Variants in SLC30A4 observed in about 807,000 individuals in gnomAD.
The protein encoded by SLC30A4 is solute carrier family 30 member 4.
In SLC30A4, 20 loss-of-function variants were observed where a neutral mutation model predicts 41.7. The observed-to-expected ratio is 0.48, with a 90% CI of 0.34 to 0.70. SLC30A4 has a LOEUF of 0.70. Among genes scored for constraint, SLC30A4 ranks in the 30% least tolerant of loss-of-function variants. The pLI, the probability that SLC30A4 is intolerant of heterozygous loss-of-function variation, is 0.01. For synonymous variants in SLC30A4, 181 were observed against 195.9 expected (o/e 0.92, Z 0.64); for missense variants, 441 against 529.3 (o/e 0.83, Z 1.64).
chr15:45,497,901 C>A (rs758297220), intron 3 of SLC30A4, among the ~76,000 whole-genome samples: 25 of 152,236 alleles, frequency 1.6e-4, no homozygotes, highest in Non-Finnish European at 3.4e-4. Context: ...ATTATTCATT[C>A]ATTCAACAAG....
intron 2 of SLC30A4, among the ~76,000 whole-genome samples, chr15:45,515,403 C>T (rs1039120176): frequency 3.3e-5 from 5 of 151,896 alleles, no homozygotes; most frequent in Admixed American, 6.6e-5. Flanking sequence ...ACCTGTAATC[C>T]CAGCACTTTG....
intron 6 of SLC30A4, among the ~76,000 whole-genome samples, chr15:45,487,198 T>G (rs1891720733): frequency 6.6e-6 from 1 of 152,214 alleles, no homozygotes; most frequent in Non-Finnish European, 1.5e-5. Context: ...TAGAATTGCA[T>G]TTTTGTCCTA....
Position 45,486,231 on chromosome 15 carries a change from CAGGCTGG to C in SLC30A4, c.1135+373_1135+379del, listed in dbSNP as rs2140810253. ...AGAGACGGGGTTTCACCATGTTGGC[CAGGCTGG>C]TCTCAAACTCCTGACCTCAGGTGAT... On this transcript the variant is annotated intron_variant, in intron 7 of 7. Transcript: ENST00000261867. 2.0e-5 allele frequency among the ~76,000 whole-genome samples: 3 copies of C among 152,206 alleles called. No homozygotes were observed. In the East Asian group the frequency reaches 5.8e-4, roughly 29 times the overall value.
At position 45,520,962 on chromosome 15, in the gene SLC30A4, G is replaced by GT. The variant is rs556678684; in HGVS notation, c.391+1001dup. ...AGAGGCAAAAAGAGCTTTGTGAGTT[G>GT]TAAGAGGAAAAAGAAGACCAGCATG... On this transcript the variant is annotated intron_variant, in intron 2 of 7. Coordinates refer to ENST00000261867, the MANE Select transcript of SLC30A4 (RefSeq NM_013309.6). The GT allele has an allele frequency of 4.7e-5, 21 of 447,998 alleles. No individual in the cohort carries two copies. In the Admixed American group the frequency reaches 6.1e-4, roughly 13 times the overall value. 27.8% of individuals were successfully genotyped at this position (447,998 alleles called of 1,614,324 possible). A position where few individuals can be genotyped will look rare whatever the true frequency, so the allele number is the denominator to read the frequency against.
intron 2 of SLC30A4, among the ~76,000 whole-genome samples, chr15:45,514,117 G>A (rs565965811): frequency 6.6e-5 from 10 of 152,146 alleles, no homozygotes; most frequent in African/African-American, 2.2e-4. Context: ...AGGCTGAGGC[G>A]GGCAGATCAC....
rs144136703 is a variant in SLC30A4 at position 45,492,566 on chromosome 15, C to G, written c.539-1685G>C. ...ATTAATTAAACGTTGTATATAATAGCAAATTATTGGAAACAACCAAAAAAG... is the reference window on the plus strand; with the variant it reads ...ATTAATTAAACGTTGTATATAATAGGAAATTATTGGAAACAACCAAAAAAG... On this transcript the variant is annotated intron_variant, in intron 3 of 7. Transcript: ENST00000261867. Among the ~76,000 whole-genome samples, 917 of 151,770 alleles carry G rather than the reference C, an allele frequency of 6.0e-3. 10 individuals carry two copies. The highest frequency in any genetic ancestry group is 0.021 in the African/African-American group (874 of 41,376).
Position 45,482,603 on chromosome 15 carries a change from T to C in SLC30A4, c.*2560A>G, listed in dbSNP as rs1891619668. On this transcript the variant is annotated 3_prime_UTR_variant, in exon 8 of 8. Transcript: ENST00000261867. ...GTATGATGAATATTTTTTTCCTTTCTACTTGCTAGATACTCAAAGTCCATA... is the reference window on the plus strand; with the variant it reads ...GTATGATGAATATTTTTTTCCTTTCCACTTGCTAGATACTCAAAGTCCATA... 1 of 152,138 alleles carries C rather than the reference T, an allele frequency of 6.6e-6. No individual in the cohort carries two copies. Among genetic ancestry groups the C allele is most frequent in the African/African-American group, 2.4e-5 (1 of 41,418 alleles). 9.4% of individuals were successfully genotyped at this position (152,138 alleles called of 1,614,324 possible).
At chr15:45,493,146 C>G (rs1345675162) in intron 3 of SLC30A4, among the ~76,000 whole-genome samples, 1 of 152,078 alleles carries the variant, frequency 6.6e-6, no homozygotes, top group African/African-American at 2.4e-5. Flanking sequence ...GTGGTGGGTG[C>G]CTGTAATCCC....
At position 45,490,895 on chromosome 15, in the gene SLC30A4, C is replaced by T; in HGVS notation, c.539-14G>A. The T allele has an allele frequency of 6.6e-7, 1 of 1,524,504 alleles. No homozygotes were observed. Among genetic ancestry groups the T allele is most frequent in the Non-Finnish European group, 8.8e-7 (1 of 1,131,284 alleles). The allele number at this position is 1,524,504 out of a possible 1,614,324, so 94.4% of individuals were successfully genotyped here. On this transcript the variant is annotated splice_polypyrimidine_tract_variant and intron_variant, in intron 3 of 7. Transcript: ENST00000261867. ...CTGACAAAACCTCTAGAGGGAAAAACACATATAACAAATACATTTTCAGCA... is the reference window on the plus strand; with the variant it reads ...CTGACAAAACCTCTAGAGGGAAAAATACATATAACAAATACATTTTCAGCA...
intron 3 of SLC30A4, among the ~76,000 whole-genome samples, chr15:45,509,432 T>G (rs1165358485): frequency 6.6e-6 from 1 of 151,996 alleles, no homozygotes; most frequent in Non-Finnish European, 1.5e-5. Flanking sequence ...TTCTGTATTT[T>G]TAGTAGATAT....
At chr15:45,520,624 A>C (rs1247824218) in intron 2 of SLC30A4, among the ~76,000 whole-genome samples, 2 of 152,190 alleles carry the variant, frequency 1.3e-5, no homozygotes, top group Non-Finnish European at 2.9e-5. Context: ...GGCCAAGAAA[A>C]GATTTGGGAA....
At chr15:45,487,255 C>T (rs1385052279) in intron 6 of SLC30A4, among the ~76,000 whole-genome samples, 1 of 152,070 alleles carries the variant, frequency 6.6e-6, no homozygotes, top group Non-Finnish European at 1.5e-5. Context: ...GTATGTTATC[C>T]CTCTGAACCT....
Position 45,484,520 on chromosome 15 carries a change from T to C in SLC30A4, c.*643A>G, listed in dbSNP as rs1423258492. ...GATTTGGTTCTAAGATTACAAATAA[T>C]GAAAAATGTTAACTTTGAGATTCAA... On this transcript the variant is annotated 3_prime_UTR_variant, in exon 8 of 8. Coordinates refer to ENST00000261867, the MANE Select transcript of SLC30A4 (RefSeq NM_013309.6). 6.6e-6 allele frequency: 1 copy of C among 152,196 alleles called. No homozygotes were observed. Among genetic ancestry groups the C allele is most frequent in the Non-Finnish European group, 1.5e-5 (1 of 68,030 alleles). 9.4% of individuals were successfully genotyped at this position (152,196 alleles called of 1,614,324 possible). A position where few individuals can be genotyped will look rare whatever the true frequency, so the allele number is the denominator to read the frequency against.
intron 2 of SLC30A4, among the ~76,000 whole-genome samples, chr15:45,514,417 C>A (rs1249073966): frequency 1.3e-5 from 2 of 151,188 alleles, no homozygotes; most frequent in Non-Finnish European, 2.9e-5. Flanking sequence ...GGGAAAACTT[C>A]CTAAACCATA....
At chr15:45,501,201 G>A (rs540232673) in intron 3 of SLC30A4, among the ~76,000 whole-genome samples, 8 of 151,778 alleles carry the variant, frequency 5.3e-5, no homozygotes, top group Non-Finnish European at 1.0e-4. Flanking sequence ...CCAGCTACTC[G>A]GGAGGCTGAG....
At chr15:45,519,986 C>T (rs1265162964) in intron 2 of SLC30A4, among the ~76,000 whole-genome samples, 1 of 152,140 alleles carries the variant, frequency 6.6e-6, no homozygotes, top group Non-Finnish European at 1.5e-5. Flanking sequence ...ACAGCTCAAG[C>T]ATTTATAATT....
chr15:45,522,467 T>C lies in SLC30A4; in HGVS notation c.-113A>G. ...GGGCAGTGCCGCGCGTCCCTCCCCA[T>C]CCTGTGGAAAACGAAACACGTTATA... On this transcript the variant is annotated splice_region_variant and 5_prime_UTR_variant, in exon 2 of 8. The change abolishes an upstream ATG in the 5' untranslated region. Coordinates refer to ENST00000261867, the MANE Select transcript of SLC30A4 (RefSeq NM_013309.6). 9.6e-7 allele frequency: 1 copy of C among 1,038,364 alleles called. No homozygotes were observed. Among genetic ancestry groups the C allele is most frequent in the Non-Finnish European group, 1.4e-6 (1 of 734,380 alleles). The allele number at this position is 1,038,364 out of a possible 1,614,324, so 64.3% of individuals were successfully genotyped here. A position where few individuals can be genotyped will look rare whatever the true frequency, so the allele number is the denominator to read the frequency against.
intron 3 of SLC30A4, among the ~76,000 whole-genome samples, chr15:45,496,459 G>A (rs944512194): frequency 6.6e-6 from 1 of 152,000 alleles, no homozygotes. Flanking sequence ...AGTAAATTTC[G>A]GATTACTATT....
At chr15:45,520,168 G>A (rs1892621153) in intron 2 of SLC30A4, among the ~76,000 whole-genome samples, 1 of 151,928 alleles carries the variant, frequency 6.6e-6, no homozygotes, top group Non-Finnish European at 1.5e-5. Context: ...AGTTGGAGAG[G>A]GAACAGGGAA....
Sources: allele counts gnomAD v4.1 joint callset (sites outside exome capture counted in the v4.1 genomes callset), GRCh38; gene constraint gnomAD v4.1.1; transcripts MANE v1.5; gene names NCBI Gene and HGNC (gene_info 2026-07-23, HGNC 2026-07-21).